Variants in MNS1 observed in about 807,000 individuals in gnomAD.
MNS1 encodes meiosis-specific nuclear structural protein 1.
MNS1 carries 63 observed loss-of-function variants against 72.0 expected under a neutral mutation model. The ratio of observed to expected loss-of-function variants is 0.87; its 90% CI spans 0.71 to 1.08. The LOEUF (loss-of-function observed/expected upper bound fraction) is 1.08, where lower values mean the gene tolerates loss of function less well. MNS1 is among the 50% of genes least tolerant of loss of function. The pLI, the probability that MNS1 is intolerant of heterozygous loss-of-function variation, is 0.00. For synonymous variants in MNS1, 188 were observed against 172.1 expected (o/e 1.09, Z -0.72); for missense variants, 604 against 562.4 (o/e 1.07, Z -0.75).
At position 56,429,096 on chromosome 15, in the gene MNS1, TG is replaced by T. The variant is rs2050474245; in HGVS notation, c.*4del. On this transcript the variant is annotated 3_prime_UTR_variant, in exon 10 of 10. Coordinates refer to ENST00000260453, the MANE Select transcript of MNS1 (RefSeq NM_018365.4). The stretch of plus-strand genomic sequence containing the variant: ...AAATCTATGCTTTACCCAATTTTGA[TG>T]ATATCATTTCTCTTCACAAATTTCA... The T allele has an allele frequency of 1.9e-6, 3 of 1,563,424 alleles. No homozygotes were observed. Among genetic ancestry groups the T allele is most frequent in the Non-Finnish European group, 2.6e-6 (3 of 1,148,324 alleles).
chr15:56,441,534 G>T (rs1175112037), intron 7 of MNS1, among the ~76,000 whole-genome samples: 1 of 152,068 alleles, frequency 6.6e-6, no homozygotes, highest in African/African-American at 2.4e-5. Context: ...AAAAGCAATT[G>T]TAACAAAAAC....
rs1356979673 is a variant in MNS1 at position 56,429,154 on chromosome 15, C to A, written c.1435G>T (p.Glu479Ter). The change falls in exon 10 of 10, where the codon GAA becomes TAA. Residue 479 changes from glutamate to a stop codon, truncating the protein, a stop_gained. Transcript: ENST00000260453. LOFTEE classifies it high-confidence loss of function. ...TGTTGATATACTTTCCTGAACTCTT[C>A]ACCAAGCAGATCAATATCATCCTCT... ...KKEDDIDLLGEEFRKVYQQRS... is the reference protein window; with the variant it reads ...KKEDDIDLLG The A allele has an allele frequency of 2.5e-6, 4 of 1,602,968 alleles. No homozygotes were observed. Among genetic ancestry groups the A allele is most frequent in the Non-Finnish European group, 2.6e-6 (3 of 1,175,712 alleles).
intron 7 of MNS1, among the ~76,000 whole-genome samples, chr15:56,434,843 T>G (rs2050692653): frequency 6.6e-6 from 1 of 152,084 alleles, no homozygotes; most frequent in African/African-American, 2.4e-5. Context: ...CCATCTCTAG[T>G]CTTCTAATAT....
At chr15:56,445,281 T>A (rs1296561183) in intron 4 of MNS1, among the ~76,000 whole-genome samples, 2 of 152,060 alleles carry the variant, frequency 1.3e-5, no homozygotes, top group African/African-American at 2.4e-5. Context: ...CCATTCCCAT[T>A]GTCAAGAGAC....
Position 56,444,685 on chromosome 15 carries a change from A to G in MNS1, c.457-12T>C, listed in dbSNP as rs767202832. The G allele has an allele frequency of 1.9e-6, 3 of 1,599,758 alleles. No homozygotes were observed. The highest frequency in any genetic ancestry group is 1.7e-5 in the Admixed American group (1 of 59,100). On this transcript the variant is annotated splice_polypyrimidine_tract_variant and intron_variant, in intron 4 of 9. Coordinates refer to ENST00000260453, the MANE Select transcript of MNS1 (RefSeq NM_018365.4). Reference sequence around the variant, plus strand: ...TCAGCATCACGTTTCTGTTATTAAAACAAAATTGATCTTTCCGTTTTCAAA... The same window carrying G: ...TCAGCATCACGTTTCTGTTATTAAAGCAAAATTGATCTTTCCGTTTTCAAA...
At chr15:56,445,422 C>A (rs1453436857) in intron 4 of MNS1, among the ~76,000 whole-genome samples, 2 of 151,898 alleles carry the variant, frequency 1.3e-5, no homozygotes, top group African/African-American at 4.8e-5. Context: ...ATGATCACAT[C>A]CCGAATGATG....
At chr15:56,444,913 A>G (rs2050881436) in intron 4 of MNS1, among the ~76,000 whole-genome samples, 2 of 152,040 alleles carry the variant, frequency 1.3e-5, no homozygotes, top group South Asian at 4.1e-4. Flanking sequence ...CCTGATAAGG[A>G]TTATTAATAA....
intron 4 of MNS1, among the ~76,000 whole-genome samples, chr15:56,445,041 G>A (rs534986198): frequency 5.3e-5 from 8 of 152,064 alleles, no homozygotes; most frequent in South Asian, 2.1e-4. Flanking sequence ...AATTTTCATC[G>A]TTTTTAGCTT....
chr15:56,451,279 T>C (rs1385842702), intron 3 of MNS1, among the ~76,000 whole-genome samples: 1 of 152,232 alleles, frequency 6.6e-6, no homozygotes, highest in Non-Finnish European at 1.5e-5. Context: ...CTGCTCCTCC[T>C]GAACCAGGGA....
chr15:56,430,258 G>GTGCAGTGGCA (rs1283914752), intron 9 of MNS1: 2 of 152,334 alleles, frequency 1.3e-5, no homozygotes, highest in African/African-American at 4.8e-5. Context: ...CCAGGCTGGA[G>GTGCAGTGGCA]TGCAGTGGCA....
Position 56,465,063 on chromosome 15 carries a change from T to C in MNS1, c.-91A>G, listed in dbSNP as rs1244690960. Reference sequence around the variant, plus strand: ...AGCCAGCAGCCCCAAGGAGCGCACCTGGCTGCGCGCGCTCGGGTGTTTACG... The same window carrying C: ...AGCCAGCAGCCCCAAGGAGCGCACCCGGCTGCGCGCGCTCGGGTGTTTACG... On this transcript the variant is annotated 5_prime_UTR_variant, in exon 1 of 10. Transcript: ENST00000260453. 1.0e-5 allele frequency: 16 copies of C among 1,540,184 alleles called. No homozygotes were observed. The highest frequency in any genetic ancestry group is 1.2e-5 in the Non-Finnish European group (14 of 1,139,212).
chr15:56,459,838 G>T (rs778876810), intron 2 of MNS1, among the ~76,000 whole-genome samples: 5 of 149,706 alleles, frequency 3.3e-5, no homozygotes, highest in Non-Finnish European at 4.5e-5. Context: ...TAAAAATACA[G>T]AATTAGCTGG....
At position 56,443,719 on chromosome 15, in the gene MNS1, AGCAAACTCTAT is replaced by A; in HGVS notation, c.811_821del (p.Ile271Ter). 1 of 1,613,304 alleles carries A rather than the reference AGCAAACTCTAT, an allele frequency of 6.2e-7. No homozygotes were observed. Among genetic ancestry groups the A allele is most frequent in the Middle Eastern group, 1.7e-4 (1 of 6,058 alleles). ...CTTCTTCTCTTTGCTGCTGCATGTT[AGCAAACTCTAT>A]GATTTTTCTGTTTTCTTCTTCCATC... is the stretch of plus-strand genomic sequence containing the variant. On this transcript the variant is annotated frameshift_variant, in exon 6 of 10. Coordinates refer to ENST00000260453, the MANE Select transcript of MNS1 (RefSeq NM_018365.4). LOFTEE classifies it high-confidence loss of function.
chr15:56,445,802 G>C (rs946862864), intron 4 of MNS1: 2 of 151,990 alleles, frequency 1.3e-5, no homozygotes, highest in African/African-American at 4.8e-5. Context: ...TCTCGTAGGA[G>C]TCAGATTAAA....
At chr15:56,460,600 A>G (rs764715717) in intron 2 of MNS1, among the ~76,000 whole-genome samples, 6 of 152,212 alleles carry the variant, frequency 3.9e-5, no homozygotes, top group Non-Finnish European at 7.3e-5. Context: ...GGTGAAGGGT[A>G]TATGTGAATT....
In MNS1 at chr15:56,464,991, C is replaced by G. The variant is rs775635654; in HGVS notation, c.-19G>C. On this transcript the variant is annotated 5_prime_UTR_variant, in exon 1 of 10. Transcript: ENST00000260453. ...TCACCATCTTGGCTGACGAAAAATA[C>G]CCCCTCTCGTGGGACCGCGGCCACC... 5 of 1,609,582 alleles carry G rather than the reference C, an allele frequency of 3.1e-6. No homozygotes were observed. Among genetic ancestry groups the G allele is most frequent in the Non-Finnish European group, 4.2e-6 (5 of 1,178,444 alleles).
Position 56,446,908 on chromosome 15 carries a change from G to A in MNS1, c.389C>T (p.Ala130Val), listed in dbSNP as rs746203131. 6.2e-7 allele frequency: 1 copy of A among 1,609,488 alleles called. No individual in the cohort carries two copies. The highest frequency in any genetic ancestry group is 8.5e-7 in the Non-Finnish European group (1 of 1,178,986). ...ELRELEKKLK[A>V]AYMNKERAAQ... is the part of the protein sequence containing the mutation. Reference sequence around the variant, plus strand: ...TGCCCTTTCTTTATTCATGTAAGCTGCTTTTAATTTCTTCTCCAATTCTCT... The same window carrying A: ...TGCCCTTTCTTTATTCATGTAAGCTACTTTTAATTTCTTCTCCAATTCTCT... The change falls in exon 4 of 10, where the codon GCA becomes GTA. Residue 130 changes from alanine to valine, a missense_variant. Transcript: ENST00000260453.
chr15:56,455,247 GAA>G (rs56339584), intron 3 of MNS1, among the ~76,000 whole-genome samples: 5,496 of 82,738 alleles, frequency 0.066, 186 homozygotes, highest in East Asian at 0.23. Flanking sequence ...ATCGTCAGGT[GAA>G]AAAAAAAAAA....
At chr15:56,456,572 TC>T in intron 2 of MNS1, 51 bp from the exon 3 acceptor site, 1 of 1,578,958 alleles carries the variant, frequency 6.3e-7, no homozygotes, top group Non-Finnish European at 8.6e-7. Flanking sequence ...CAGATTTTTT[TC>T]ATCAAGGTTG....
Sources: allele counts gnomAD v4.1 joint callset (sites outside exome capture counted in the v4.1 genomes callset), GRCh38; gene constraint gnomAD v4.1.1; transcripts MANE v1.5; gene names NCBI Gene and HGNC (gene_info 2026-07-23, HGNC 2026-07-21).